PARD6G: variants seen among roughly 807,000 people sequenced by gnomAD.
The protein encoded by PARD6G is par-6 family cell polarity regulator gamma, also known as partitioning defective 6 homolog gamma.
Under a neutral mutation model 10.7 loss-of-function variants are expected in PARD6G, and 7 were observed. That is an observed-to-expected ratio of 0.66 (90% CI 0.37 to 1.23). The LOEUF (loss-of-function observed/expected upper bound fraction) is 1.23, where lower values mean the gene tolerates loss of function less well. Among genes scored for constraint, PARD6G ranks in the 50% most tolerant of loss-of-function variants. The probability of loss-of-function intolerance (pLI) is 0.02; values close to 1 mark genes in which losing one functional copy is unlikely to be tolerated. For synonymous variants in PARD6G, 287 were observed against 269.4 expected (o/e 1.07, Z -0.64); for missense variants, 548 against 571.8 (o/e 0.96, Z 0.42).
intron 1 of PARD6G, among the ~76,000 whole-genome samples, chr18:80,212,627 T>C (rs1967120553): frequency 2.0e-5 from 3 of 152,178 alleles, no homozygotes; most frequent in South Asian, 4.1e-4. Context: ...GGCTCAAGCC[T>C]GTAATCCCAG....
rs754490795 is a variant in PARD6G at position 80,160,131 on chromosome 18, C to A, written c.771G>T (p.Val257=). 4 of 1,612,714 alleles carry A rather than the reference C, an allele frequency of 2.5e-6. No homozygotes were observed. Among genetic ancestry groups the A allele is most frequent in the African/African-American group, 1.3e-5 (1 of 74,918 alleles). ...VKPANQRNNV[V]RGGRALGSSG... ...AGCTGCCCAACGCGCGGCCGCCGCG[C>A]ACCACGTTGTTGCGCTGGTTGGCGG... Residue 257 remains valine (V), a synonymous_variant, in exon 3 of 3, where the codon GTG becomes GTT. Coordinates refer to ENST00000353265, the MANE Select transcript of PARD6G (RefSeq NM_032510.4).
Position 80,158,543 on chromosome 18 carries a change from T to G in PARD6G, c.*1228A>C, listed in dbSNP as rs2052671260. ...CTTGAGGCTGAATGGGCCACCTATG[T>G]GGGTCACAAAAATAGCCCCTGGTCT... On this transcript the variant is annotated 3_prime_UTR_variant, in exon 3 of 3. Coordinates refer to ENST00000353265, the MANE Select transcript of PARD6G (RefSeq NM_032510.4). 6.6e-6 allele frequency: 1 copy of G among 152,286 alleles called. No individual in the cohort carries two copies. The highest frequency in any genetic ancestry group is 1.5e-5 in the Non-Finnish European group (1 of 68,080). 9.4% of individuals were successfully genotyped at this position (152,286 alleles called of 1,614,324 possible).
chr18:80,221,456 A>T (rs1272651900), intron 1 of PARD6G, among the ~76,000 whole-genome samples: 1 of 152,244 alleles, frequency 6.6e-6, no homozygotes, highest in Non-Finnish European at 1.5e-5. Flanking sequence ...CAAAAGCCAT[A>T]TGATCATGTC....
chr18:80,206,464 C>G (rs1182022379), intron 1 of PARD6G, among the ~76,000 whole-genome samples: 1 of 152,186 alleles, frequency 6.6e-6, no homozygotes, highest in Admixed American at 6.5e-5. Context: ...GAAACTGAAA[C>G]AGTGAATGGC....
At chr18:80,176,970 C>CG (rs1491101695) in intron 2 of PARD6G, among the ~76,000 whole-genome samples, 5 of 148,616 alleles carry the variant, frequency 3.4e-5, no homozygotes, top group Non-Finnish European at 7.4e-5. Flanking sequence ...CAGGCATGTG[C>CG]ACACACACAC....
intron 2 of PARD6G, among the ~76,000 whole-genome samples, chr18:80,191,005 A>G (rs1162811908): frequency 1.3e-5 from 2 of 151,980 alleles, no homozygotes; most frequent in Non-Finnish European, 2.9e-5. Flanking sequence ...GCTCCATTAG[A>G]CTCCTCTCAT....
intron 1 of PARD6G, among the ~76,000 whole-genome samples, chr18:80,240,411 C>T (rs1008430284): frequency 1.3e-5 from 2 of 152,142 alleles, no homozygotes; most frequent in African/African-American, 4.8e-5. Context: ...CAGGAAAACC[C>T]ACTTGTTTTT....
At chr18:80,222,101 T>C (rs906037534) in intron 1 of PARD6G, among the ~76,000 whole-genome samples, 4 of 152,070 alleles carry the variant, frequency 2.6e-5, no homozygotes, top group African/African-American at 9.7e-5. Flanking sequence ...TTCTTTTTTT[T>C]TTAAATGAAG....
chr18:80,178,215 CCACCCGCTCCCAGTAGGTT>C (rs2052827631), intron 2 of PARD6G: 2 of 163,370 alleles, frequency 1.2e-5, no homozygotes, highest in South Asian at 4.1e-4. Context: ...AAAATCTCAA[CCACCCGCTCCCAGTAGGTT>C]CAGTGCTGCA....
In PARD6G at chr18:80,182,404, C is replaced by T. The variant is rs2052852812; in HGVS notation, c.295+20306G>A. On this transcript the variant is annotated intron_variant, in intron 2 of 2. Transcript: ENST00000353265. The surrounding 1 kb of genome is among the most constrained non-coding windows in gnomAD (Gnocchi z 4.5). ...CCCTGAAGAACAGGTTCTGTGTCCA[C>T]TTTAGATGCTGGAACTACACTTAAA... Among the ~76,000 whole-genome samples, 2 of 152,236 alleles carry T rather than the reference C, an allele frequency of 1.3e-5. No individual in the cohort carries two copies. The highest frequency in any genetic ancestry group is 4.1e-4 in the South Asian group (2 of 4,834).
rs1001957199 is a variant in PARD6G, at chr18:80,176,760, G to A, written c.296-16154C>T. 2.0e-5 allele frequency among the ~76,000 whole-genome samples: 3 copies of A among 152,128 alleles called. No individual in the cohort carries two copies. In the East Asian group the frequency reaches 5.8e-4, roughly 29 times the overall value. On this transcript the variant is annotated intron_variant, in intron 2 of 2. Transcript: ENST00000353265. ...ACAGGGCAAACAGCTCACTAAAGTG[G>A]AAAAATGCTCCTCCCTGGTGCCGCG...
rs981940528 is a variant in PARD6G at position 80,192,488 on chromosome 18, C to T, written c.295+10222G>A. On this transcript the variant is annotated intron_variant, in intron 2 of 2. Coordinates refer to ENST00000353265, the MANE Select transcript of PARD6G (RefSeq NM_032510.4). This position sits in a 1 kb window ranked among gnomAD's most constrained non-coding sequence, Gnocchi z 4.9. ...AGGGGACGGGGGAGAGCAGGTGCCA[C>T]GGCGGGAGCCCAGGGGACGGGGGAG... Among the ~76,000 whole-genome samples the T allele has an allele frequency of 1.5e-4, 23 of 151,724 alleles. No homozygotes were observed. Among genetic ancestry groups the T allele is most frequent in the African/African-American group, 3.9e-4 (16 of 41,334 alleles).
rs1381570700 is a variant in PARD6G at position 80,180,366 on chromosome 18, G to A, written c.296-19760C>T. 6.6e-6 allele frequency among the ~76,000 whole-genome samples: 1 copy of A among 152,182 alleles called. No homozygotes were observed. Among genetic ancestry groups the A allele is most frequent in the Non-Finnish European group, 1.5e-5 (1 of 68,010 alleles). On this transcript the variant is annotated intron_variant, in intron 2 of 2. Transcript: ENST00000353265. The surrounding 1 kb of genome is among the most constrained non-coding windows in gnomAD (Gnocchi z 5.6). Reference sequence around the variant, plus strand: ...GTGAGGACACGCAGCTGGGAGGGGCGCAGCCGGCAGCACCTGGGAATGCAG... The same window carrying A: ...GTGAGGACACGCAGCTGGGAGGGGCACAGCCGGCAGCACCTGGGAATGCAG...
intron 1 of PARD6G, among the ~76,000 whole-genome samples, chr18:80,245,765 T>A (rs906658137): frequency 6.6e-6 from 1 of 152,134 alleles, no homozygotes; most frequent in Non-Finnish European, 1.5e-5. Flanking sequence ...CCCATGCTTG[T>A]GGGCTCTTCC....
At chr18:80,186,959 C>T (rs920557641) in intron 2 of PARD6G, among the ~76,000 whole-genome samples, 6 of 152,084 alleles carry the variant, frequency 3.9e-5, no homozygotes, top group Non-Finnish European at 7.4e-5. Context: ...ATTAGCCGGG[C>T]GTGGTGGCGG....
chr18:80,237,557 A>G (rs1292839098), intron 1 of PARD6G, among the ~76,000 whole-genome samples: 1 of 152,262 alleles, frequency 6.6e-6, no homozygotes, highest in East Asian at 1.9e-4. Context: ...ATCAGAGTGA[A>G]CAGGTAACCT....
chr18:80,233,518 A>G (rs62101595), intron 1 of PARD6G, among the ~76,000 whole-genome samples: 1,895 of 152,276 alleles, frequency 0.012, 20 homozygotes, highest in Non-Finnish European at 0.018. Context: ...ACACCCCCTT[A>G]TTATTGCAGA....
At chr18:80,226,650 T>C (rs1285184170) in intron 1 of PARD6G, among the ~76,000 whole-genome samples, 1 of 152,180 alleles carries the variant, frequency 6.6e-6, no homozygotes, top group African/African-American at 2.4e-5. Context: ...ACTGGGGCAG[T>C]ACCCCTGATT....
chr18:80,186,298 G>A (rs1326233407), intron 2 of PARD6G, among the ~76,000 whole-genome samples: 2 of 95,758 alleles, frequency 2.1e-5, no homozygotes, highest in Non-Finnish European at 2.1e-5. Flanking sequence ...CTCACACACC[G>A]TCATGCACAC....
Sources: allele counts gnomAD v4.1 joint callset (sites outside exome capture counted in the v4.1 genomes callset), GRCh38; gene constraint gnomAD v4.1.1; non-coding constraint Gnocchi (gnomAD v3.1); transcripts MANE v1.5; gene names NCBI Gene and HGNC (gene_info 2026-07-23, HGNC 2026-07-21).